The following PLEKHB2 variants were observed in gnomAD, a reference collection of about 807,000 sequenced individuals.
The protein encoded by PLEKHB2 is pleckstrin homology domain-containing family B member 2.
PLEKHB2 carries 31 observed loss-of-function variants against 36.5 expected under a neutral mutation model. That is an observed-to-expected ratio of 0.85 (90% CI 0.64 to 1.15). The LOEUF (loss-of-function observed/expected upper bound fraction) is 1.15. PLEKHB2 is among the 50% of genes most tolerant of loss of function. PLEKHB2 has a pLI of 0.00. For missense variants in PLEKHB2, 262 were observed against 295.3 expected (o/e 0.89, Z 0.83); for synonymous variants, 119 against 112.0 (o/e 1.06, Z -0.39).
intron 1 of PLEKHB2, among the ~76,000 whole-genome samples, chr2:131,114,785 T>C (rs574224601): frequency 6.6e-6 from 1 of 152,290 alleles, no homozygotes; most frequent in African/African-American, 2.4e-5. Flanking sequence ...TTATTGTCCA[T>C]ATCACTATCA....
At chr2:131,109,975 T>G (rs1185410370) in intron 1 of PLEKHB2, among the ~76,000 whole-genome samples, 1 of 150,776 alleles carries the variant, frequency 6.6e-6, no homozygotes, top group Non-Finnish European at 1.5e-5. Flanking sequence ...ATTACCTGGG[T>G]GTGGTGGCGG....
chr2:131,137,836 T>G (rs540259188), intron 6 of PLEKHB2, among the ~76,000 whole-genome samples: 1 of 152,168 alleles, frequency 6.6e-6, no homozygotes, highest in Admixed American at 6.5e-5. Flanking sequence ...GTGGATTTCT[T>G]TGGGATTATC....
chr2:131,144,425 C>T (rs1017078070), intron 7 of PLEKHB2: 5 of 1,228,346 alleles, frequency 4.1e-6, no homozygotes, highest in Admixed American at 4.2e-5. Context: ...CCTCATGACA[C>T]GTCATTGCAC....
chr2:131,106,617 G>A (rs1694763467), intron 1 of PLEKHB2, among the ~76,000 whole-genome samples: 1 of 152,162 alleles, frequency 6.6e-6, no homozygotes. Flanking sequence ...TGGTGCTCAG[G>A]AGTGTTCCCT....
At chr2:131,129,519 T>C (rs1697450158) in intron 4 of PLEKHB2, among the ~76,000 whole-genome samples, 1 of 152,002 alleles carries the variant, frequency 6.6e-6, no homozygotes, top group Non-Finnish European at 1.5e-5. Context: ...TATTTTGTTT[T>C]TTGAGATGGA....
At chr2:131,112,853 C>T (rs1013027564) in intron 1 of PLEKHB2, among the ~76,000 whole-genome samples, 1 of 152,070 alleles carries the variant, frequency 6.6e-6, no homozygotes, top group African/African-American at 2.4e-5. Context: ...AACTAAAGAC[C>T]CATTTTCTAA....
At chr2:131,139,485 T>C (rs904186927) in intron 6 of PLEKHB2, among the ~76,000 whole-genome samples, 3 of 152,212 alleles carry the variant, frequency 2.0e-5, no homozygotes, top group Non-Finnish European at 4.4e-5. Flanking sequence ...TCAGAGCACT[T>C]GTCACAGAAC....
intron 1 of PLEKHB2, among the ~76,000 whole-genome samples, chr2:131,112,160 G>A (rs1246346644): frequency 6.6e-6 from 1 of 152,166 alleles, no homozygotes; most frequent in African/African-American, 2.4e-5. Flanking sequence ...GGTTCAAGGT[G>A]ATGTTGATCA....
chr2:131,125,909 A>G lies in PLEKHB2; in HGVS notation c.190+4A>G, dbSNP rs1380318534. The G allele has an allele frequency of 1.2e-6, 2 of 1,611,858 alleles. No individual in the cohort carries two copies. Among genetic ancestry groups the G allele is most frequent in the Non-Finnish European group, 1.7e-6 (2 of 1,179,452 alleles). On this transcript the variant is annotated splice_donor_region_variant and intron_variant, in intron 3 of 7. Transcript: ENST00000693505. ...CGCACGGGGCAGGAATGTCGGGGTA[A>G]GCTGGCCTGTCTTGGCCAACTTCTG...
rs775518844 is a variant in PLEKHB2 at position 131,130,737 on chromosome 2, CTCCAAGAT to C, written c.313_320del (p.Gln105Ter). Reference sequence around the variant, plus strand: ...TTTCTCCAGGGCCTGGAAATTTACACTCCAAGATTCTAGGACAAACACAGTAAGTTGCT... The same window carrying C: ...TTTCTCCAGGGCCTGGAAATTTACACTCTAGGACAAACACAGTAAGTTGCT... On this transcript the variant is annotated frameshift_variant, in exon 5 of 8. Coordinates refer to ENST00000693505, the MANE Select transcript of PLEKHB2 (RefSeq NM_001100623.2). LOFTEE classifies it high-confidence loss of function. The C allele has an allele frequency of 6.2e-7, 1 of 1,611,458 alleles. No individual in the cohort carries two copies. Among genetic ancestry groups the C allele is most frequent in the Non-Finnish European group, 8.5e-7 (1 of 1,177,824 alleles).
At chr2:131,133,883 C>A (rs949803321) in intron 6 of PLEKHB2, among the ~76,000 whole-genome samples, 3 of 151,222 alleles carry the variant, frequency 2.0e-5, no homozygotes, top group Non-Finnish European at 2.9e-5. Context: ...TGTCAATAAT[C>A]CTTTTTATTG....
Position 131,148,951 on chromosome 2 carries a change from G to T in PLEKHB2, c.*2178G>T, listed in dbSNP as rs1573654577. ...TGGAATTACTGGGTGGGAATTCCAG[G>T]AACCACAGAGTATTGATTTTTGCTG... On this transcript the variant is annotated 3_prime_UTR_variant, in exon 8 of 8. Coordinates refer to ENST00000693505, the MANE Select transcript of PLEKHB2 (RefSeq NM_001100623.2). The T allele has an allele frequency of 6.6e-6, 1 of 152,174 alleles. No homozygotes were observed. The highest frequency in any genetic ancestry group is 2.4e-5 in the African/African-American group (1 of 41,424). The allele number at this position is 152,174 out of a possible 1,614,324, so 9.4% of individuals were successfully genotyped here. A position where few individuals can be genotyped will look rare whatever the true frequency, so the allele number is the denominator to read the frequency against.
At chr2:131,141,854 C>T (rs1182944129) in intron 7 of PLEKHB2, among the ~76,000 whole-genome samples, 1 of 152,122 alleles carries the variant, frequency 6.6e-6, no homozygotes, top group East Asian at 1.9e-4. Context: ...GTTTCTGTTG[C>T]TTATTTCTGG....
rs1168039416 is a variant in PLEKHB2 at position 131,129,324 on chromosome 2, C to CA, written c.294-1369dup. On this transcript the variant is annotated intron_variant, in intron 4 of 7. Coordinates refer to ENST00000693505, the MANE Select transcript of PLEKHB2 (RefSeq NM_001100623.2). ...TGGACAACAGAGTGAGACTCCATCTCAAAAAAAAAAAAAAAAAAAAAAAAA... is the reference window on the plus strand; with the variant it reads ...TGGACAACAGAGTGAGACTCCATCTCAAAAAAAAAAAAAAAAAAAAAAAAAA... Among the ~76,000 whole-genome samples, 309 of 49,986 alleles carry CA rather than the reference C, an allele frequency of 6.2e-3. 43 individuals carry two copies. The highest frequency in any genetic ancestry group is 7.9e-3 in the Admixed American group (20 of 2,530). 32.8% of individuals were successfully genotyped at this position (49,986 alleles called of 152,430 possible).
chr2:131,142,993 G>A (rs72982500), intron 7 of PLEKHB2, among the ~76,000 whole-genome samples: 1,527 of 152,186 alleles, frequency 0.01, 15 homozygotes, highest in African/African-American at 0.031. Context: ...AGTAGAAACC[G>A]TACTTCAGGT....
Position 131,121,030 on chromosome 2 carries a change from A to G in PLEKHB2, c.37+52A>G, listed in dbSNP as rs768966489. On this transcript the variant is annotated intron_variant, in intron 2 of 7. Transcript: ENST00000693505. ...TCGGCATTGCCGAAGGGCAGTCTCT[A>G]TTTCTGTTTGCTTAAAGTTGATCAT... is the stretch of plus-strand genomic sequence containing the variant. 20 of 1,571,560 alleles carry G rather than the reference A, an allele frequency of 1.3e-5. No individual in the cohort carries two copies. The East Asian group carries it at 3.8e-4, about 30-fold the overall frequency.
At chr2:131,135,257 G>A (rs1320766098) in intron 6 of PLEKHB2, among the ~76,000 whole-genome samples, 1 of 151,974 alleles carries the variant, frequency 6.6e-6, no homozygotes, top group Non-Finnish European at 1.5e-5. Context: ...TAGTAGAGAT[G>A]GGGTTTCACC....
At chr2:131,146,590 C>T (rs1347885442) in intron 7 of PLEKHB2, 47 bp from the exon 8 acceptor site, 2 of 1,567,954 alleles carry the variant, frequency 1.3e-6, no homozygotes, top group African/African-American at 1.4e-5. Flanking sequence ...TGATGTTAAA[C>T]TTCACAAACC....
intron 4 of PLEKHB2, among the ~76,000 whole-genome samples, chr2:131,129,878 T>A (rs940079135): frequency 1.3e-5 from 2 of 152,134 alleles, no homozygotes; most frequent in Non-Finnish European, 2.9e-5. Context: ...GTAAAGTTGG[T>A]AGGTATAGAG....
Sources: allele counts gnomAD v4.1 joint callset (sites outside exome capture counted in the v4.1 genomes callset), GRCh38; gene constraint gnomAD v4.1.1; transcripts MANE v1.5; gene names NCBI Gene and HGNC (gene_info 2026-07-23, HGNC 2026-07-21).